The following DNMBP variants were observed in gnomAD, a reference collection of about 807,000 sequenced individuals.
DNMBP encodes dynamin binding protein.
Under a neutral mutation model 150.0 loss-of-function variants are expected in DNMBP, and 87 were observed. The ratio of observed to expected loss-of-function variants is 0.58; its 90% CI spans 0.49 to 0.69. The LOEUF (loss-of-function observed/expected upper bound fraction) is 0.69. DNMBP is among the 30% of genes least tolerant of loss of function. DNMBP has a pLI of 0.00. For synonymous variants in DNMBP, 711 were observed against 750.4 expected (o/e 0.95, Z 0.86); for missense variants, 1,774 against 1,949.0 (o/e 0.91, Z 1.69).
At chr10:100,007,402 G>A (rs1005015219) in intron 1 of DNMBP, among the ~76,000 whole-genome samples, 2 of 151,636 alleles carry the variant, frequency 1.3e-5, no homozygotes, top group Non-Finnish European at 2.9e-5. Context: ...GCACACACAG[G>A]TGCCCCCCAC....
chr10:99,931,989 G>A (rs888059413), intron 4 of DNMBP, among the ~76,000 whole-genome samples: 1 of 152,194 alleles, frequency 6.6e-6, no homozygotes, highest in Non-Finnish European at 1.5e-5. Context: ...ATAATACGTG[G>A]AAAATAAGAG....
At chr10:99,959,728 C>T (rs1409658746) in intron 3 of DNMBP, among the ~76,000 whole-genome samples, 2 of 151,504 alleles carry the variant, frequency 1.3e-5, no homozygotes, top group Admixed American at 6.6e-5. Flanking sequence ...TGGTGGTGAG[C>T]GCTATAGTCC....
intron 1 of DNMBP, among the ~76,000 whole-genome samples, chr10:100,001,493 C>T (rs186141665): frequency 5.6e-5 from 8 of 142,732 alleles, no homozygotes; most frequent in Non-Finnish European, 1.2e-4. Context: ...CTCACTGCAA[C>T]CTCCACCTCC....
chr10:99,930,673 C>T (rs1169082410), intron 4 of DNMBP: 2 of 702,924 alleles, frequency 2.8e-6, no homozygotes, highest in Admixed American at 2.0e-5. Flanking sequence ...CTTTTCCGTA[C>T]ACTCCCGTAG....
chr10:99,997,039 T>C (rs977473408), intron 1 of DNMBP, among the ~76,000 whole-genome samples: 4 of 152,208 alleles, frequency 2.6e-5, no homozygotes, highest in Non-Finnish European at 2.9e-5. Context: ...ACAGCCCATA[T>C]AGCTGCTCAA....
intron 3 of DNMBP, among the ~76,000 whole-genome samples, chr10:99,962,676 G>A (rs1301504112): frequency 6.6e-6 from 1 of 151,896 alleles, no homozygotes; most frequent in Non-Finnish European, 1.5e-5. Flanking sequence ...TTCCCCCTCT[G>A]GCCCTAAGGC....
intron 11 of DNMBP, chr10:99,889,393 C>T (rs1479783006): frequency 6.5e-6 from 1 of 154,266 alleles, no homozygotes; most frequent in Non-Finnish European, 1.4e-5. Flanking sequence ...CCCATCCGAC[C>T]CTGGCACTCC....
chr10:99,923,046 G>A (rs2040040929), intron 4 of DNMBP, among the ~76,000 whole-genome samples: 1 of 152,148 alleles, frequency 6.6e-6, no homozygotes, highest in African/African-American at 2.4e-5. Context: ...CTGAGGTCAG[G>A]AGTTCAGCAC....
At chr10:99,911,656 T>G (rs191822926) in intron 4 of DNMBP, among the ~76,000 whole-genome samples, 6 of 152,324 alleles carry the variant, frequency 3.9e-5, no homozygotes, top group Admixed American at 3.3e-4. Flanking sequence ...TTGTATAAAA[T>G]GTATACAGGA....
intron 1 of DNMBP, among the ~76,000 whole-genome samples, chr10:99,987,600 G>A (rs1282648985): frequency 6.6e-6 from 1 of 152,088 alleles, no homozygotes; most frequent in East Asian, 1.9e-4. Context: ...TGGGCATGAT[G>A]GTGTGCACCT....
intron 10 of DNMBP, 66 bp downstream of exon 10, chr10:99,896,201 G>C (rs1471033472): frequency 6.4e-7 from 1 of 1,563,800 alleles, no homozygotes; most frequent in African/African-American, 1.4e-5. Flanking sequence ...ACGCCAGGCA[G>C]GCTGTCTCAT....
At chr10:99,971,483 C>T (rs2040676418) in intron 2 of DNMBP, among the ~76,000 whole-genome samples, 1 of 151,976 alleles carries the variant, frequency 6.6e-6, no homozygotes, top group African/African-American at 2.4e-5. Context: ...GGATTATAAG[C>T]ATGACCCACC....
intron 1 of DNMBP, among the ~76,000 whole-genome samples, chr10:99,996,210 T>C (rs1233289041): frequency 1.3e-5 from 2 of 152,176 alleles, no homozygotes; most frequent in Non-Finnish European, 1.5e-5. Context: ...AGAATAACGT[T>C]TGAACATGTT....
At chr10:99,904,005 C>T (rs1212390367) in intron 6 of DNMBP, among the ~76,000 whole-genome samples, 5 of 151,456 alleles carry the variant, frequency 3.3e-5, no homozygotes, top group African/African-American at 4.9e-5. Context: ...GATCTGCCCA[C>T]CTTGCCTCGG....
rs11190326 is a variant in DNMBP, at chr10:99,930,658, G to A, written c.2261-21512C>T. On this transcript the variant is annotated intron_variant, in intron 4 of 16. Transcript: ENST00000324109. Reference sequence around the variant, plus strand: ...CTGTAGAGTCCATCCAGCACTGTAAGGTTCCTTTTCCGTACACTCCCGTAG... The same window carrying A: ...CTGTAGAGTCCATCCAGCACTGTAAAGTTCCTTTTCCGTACACTCCCGTAG... 27,926 of 702,888 alleles carry A rather than the reference G, an allele frequency of 0.04. 783 individuals are homozygous for A. The highest frequency in any genetic ancestry group is 0.083 in the South Asian group (5,612 of 67,584). The allele number at this position is 702,888 out of a possible 1,614,324, so 43.5% of individuals were successfully genotyped here.
chr10:99,942,164 C>T (rs2040308120), intron 4 of DNMBP, among the ~76,000 whole-genome samples: 1 of 152,154 alleles, frequency 6.6e-6, no homozygotes, highest in South Asian at 2.1e-4. Context: ...CCTCCCACCC[C>T]CAGAAATGGT....
chr10:99,923,561 T>G (rs1363835176), intron 4 of DNMBP, among the ~76,000 whole-genome samples: 2 of 152,024 alleles, frequency 1.3e-5, no homozygotes, highest in African/African-American at 4.8e-5. Context: ...GAGCTGTATC[T>G]CAGTGATACA....
chr10:99,920,065 A>G (rs1207633055), intron 4 of DNMBP, among the ~76,000 whole-genome samples: 3 of 151,654 alleles, frequency 2.0e-5, no homozygotes, highest in Admixed American at 1.3e-4. Context: ...CAAAATAAGG[A>G]TTACTATATT....
In DNMBP at chr10:99,876,636, G is replaced by A. The variant is rs1416652896; in HGVS notation, c.*515C>T. On this transcript the variant is annotated 3_prime_UTR_variant, in exon 17 of 17. Coordinates refer to ENST00000324109, the MANE Select transcript of DNMBP (RefSeq NM_015221.4). ...GCTGGACACTGGAGGTGTCCCAGGA[G>A]CTTTGAAGCACTAGGTTTGGTTCAA... The A allele has an allele frequency of 6.6e-6, 1 of 152,536 alleles. No individual in the cohort carries two copies. Among genetic ancestry groups the A allele is most frequent in the Non-Finnish European group, 1.5e-5 (1 of 68,322 alleles). The allele number at this position is 152,536 out of a possible 1,614,324, so 9.4% of individuals were successfully genotyped here.
Sources: allele counts gnomAD v4.1 joint callset (sites outside exome capture counted in the v4.1 genomes callset), GRCh38; gene constraint gnomAD v4.1.1; transcripts MANE v1.5; gene names NCBI Gene and HGNC (gene_info 2026-07-23, HGNC 2026-07-21).